Variants in ERC1 observed in about 807,000 individuals in gnomAD.
ERC1 encodes the protein ELKS/RAB6-interacting/CAST family member 1.
ERC1 carries 56 observed loss-of-function variants against 132.0 expected under a neutral mutation model. The ratio of observed to expected loss-of-function variants is 0.42; its 90% CI spans 0.34 to 0.53. The LOEUF (loss-of-function observed/expected upper bound fraction) is 0.53. Among genes scored for constraint, ERC1 ranks in the 20% least tolerant of loss-of-function variants. The probability of loss-of-function intolerance (pLI) is 0.03; values close to 1 mark genes in which losing one functional copy is unlikely to be tolerated. For missense variants in ERC1, 1,202 were observed against 1,349.9 expected (o/e 0.89, Z 1.72); for synonymous variants, 478 against 476.1 (o/e 1.00, Z -0.05).
intron 18 of ERC1, among the ~76,000 whole-genome samples, chr12:1,452,980 A>G (rs1448520175): frequency 6.6e-6 from 1 of 151,980 alleles, no homozygotes; most frequent in Non-Finnish European, 1.5e-5. Flanking sequence ...TGTGGTGCCG[A>G]TGTTTCTGTT....
chr12:1,363,254 G>A (rs1004600421), intron 15 of ERC1, among the ~76,000 whole-genome samples: 8 of 152,168 alleles, frequency 5.3e-5, no homozygotes, highest in Admixed American at 2.6e-4. Flanking sequence ...CTGAGAAGCA[G>A]GTAGAGGCTT....
chr12:1,141,218 A>G (rs918959399), intron 7 of ERC1, among the ~76,000 whole-genome samples: 1 of 152,204 alleles, frequency 6.6e-6, no homozygotes, highest in Non-Finnish European at 1.5e-5. Context: ...CTCATAGCCT[A>G]TGACTAGACT....
intron 16 of ERC1, among the ~76,000 whole-genome samples, chr12:1,400,702 A>G (rs968304648): frequency 5.3e-5 from 8 of 151,858 alleles, no homozygotes; most frequent in African/African-American, 1.9e-4. Flanking sequence ...TCTCCATTAG[A>G]TTGTCTTGGT....
chr12:1,306,168 C>G (rs916065950), intron 15 of ERC1, among the ~76,000 whole-genome samples: 20 of 152,180 alleles, frequency 1.3e-4, no homozygotes, highest in Non-Finnish European at 2.1e-4. Flanking sequence ...GCTCAGAGTT[C>G]CATTCTACCT....
chr12:1,451,713 A>G (rs77577788), intron 18 of ERC1, among the ~76,000 whole-genome samples: 2,466 of 152,246 alleles, frequency 0.016, 27 homozygotes, highest in Non-Finnish European at 0.026. Flanking sequence ...AATTAATTCT[A>G]TGTTTTATTT....
intron 2 of ERC1, among the ~76,000 whole-genome samples, chr12:1,080,138 T>C (rs144884332): frequency 6.6e-6 from 1 of 152,358 alleles, no homozygotes; most frequent in East Asian, 1.9e-4. Flanking sequence ...TTTATTATGG[T>C]AAAATATATA....
intron 18 of ERC1, chr12:1,444,988 A>AT (rs1370052118): frequency 4.9e-6 from 2 of 404,566 alleles, no homozygotes; most frequent in African/African-American, 4.2e-5. Flanking sequence ...TTTTAAACTG[A>AT]TTTTTAATTG....
At chr12:1,362,982 G>C (rs966795831) in intron 15 of ERC1, among the ~76,000 whole-genome samples, 1 of 152,220 alleles carries the variant, frequency 6.6e-6, no homozygotes, top group African/African-American at 2.4e-5. Context: ...CTTGATTAAG[G>C]AATAATATAA....
intron 18 of ERC1, among the ~76,000 whole-genome samples, chr12:1,477,238 T>G (rs193197433): frequency 1.3e-5 from 2 of 152,138 alleles, no homozygotes; most frequent in East Asian, 3.9e-4. Flanking sequence ...TCAAAAGAAA[T>G]AAATTTGAAA....
intron 17 of ERC1, among the ~76,000 whole-genome samples, chr12:1,425,577 C>T (rs956510395): frequency 2.6e-5 from 4 of 152,206 alleles, no homozygotes; most frequent in Non-Finnish European, 4.4e-5. Context: ...AAAGGTCTCA[C>T]GCAGTCATTT....
At chr12:1,278,101 A>T (rs1235878904) in intron 14 of ERC1, among the ~76,000 whole-genome samples, 3 of 152,212 alleles carry the variant, frequency 2.0e-5, no homozygotes, top group Non-Finnish European at 4.4e-5. Flanking sequence ...TCATGGTGAC[A>T]GCTGGTTACA....
intron 18 of ERC1, among the ~76,000 whole-genome samples, chr12:1,489,179 C>T (rs573085895): frequency 2.6e-5 from 4 of 152,292 alleles, no homozygotes; most frequent in African/African-American, 9.6e-5. Context: ...CTTCCCTTTT[C>T]GCAAGATCTG....
intron 1 of ERC1, among the ~76,000 whole-genome samples, chr12:1,000,246 A>C (rs1294959971): frequency 6.6e-6 from 1 of 152,162 alleles, no homozygotes; most frequent in Non-Finnish European, 1.5e-5. Context: ...GCACTTTGGC[A>C]GACTGAGGTG....
At chr12:1,083,626 T>A (rs930540298) in intron 3 of ERC1, 46 bp downstream of exon 3, 1 of 1,422,662 alleles carries the variant, frequency 7.0e-7, no homozygotes, top group Admixed American at 2.2e-5. Context: ...GTTATCTTTT[T>A]TTTCACTGAT....
At chr12:1,385,488 G>A (rs966846732) in intron 16 of ERC1, among the ~76,000 whole-genome samples, 2 of 152,096 alleles carry the variant, frequency 1.3e-5, no homozygotes, top group Non-Finnish European at 2.9e-5. Context: ...GTTTCACCGT[G>A]TTAGCCAGGA....
At chr12:1,480,045 C>G (rs2094056205) in intron 18 of ERC1, among the ~76,000 whole-genome samples, 1 of 151,396 alleles carries the variant, frequency 6.6e-6, no homozygotes, top group Admixed American at 6.6e-5. Context: ...TCCAACAGTC[C>G]TTTCCTCCAG....
intron 13 of ERC1, among the ~76,000 whole-genome samples, chr12:1,262,127 T>G (rs952436635): frequency 6.6e-6 from 1 of 152,226 alleles, no homozygotes; most frequent in African/African-American, 2.4e-5. Flanking sequence ...GTTTAGCAAA[T>G]CTTGCTCTTT....
At chr12:1,275,663 A>G (rs1432312417) in intron 14 of ERC1, among the ~76,000 whole-genome samples, 1 of 152,086 alleles carries the variant, frequency 6.6e-6, no homozygotes, top group Non-Finnish European at 1.5e-5. Flanking sequence ...GGCAAGGTTG[A>G]TTTCTACGCT....
At chr12:1,367,988 AG>A (rs2086827785) in intron 15 of ERC1, among the ~76,000 whole-genome samples, 1 of 147,270 alleles carries the variant, frequency 6.8e-6, no homozygotes, top group Non-Finnish European at 1.5e-5. Context: ...CTGGAAAAGA[AG>A]GGAACAGAAC....
Sources: gnomAD v4.1 joint callset for allele counts (sites outside exome capture counted in the v4.1 genomes callset) on GRCh38, gnomAD v4.1.1 for gene constraint, MANE v1.5 for transcripts, NCBI Gene and HGNC (gene_info 2026-07-23, HGNC 2026-07-21) for gene names.